The following FAM151B variants were observed in gnomAD, a reference collection of about 807,000 sequenced individuals.
FAM151B encodes protein FAM151B.
Under a neutral mutation model 31.2 loss-of-function variants are expected in FAM151B, and 24 were observed. The observed-to-expected ratio is 0.77, with a 90% CI of 0.56 to 1.08. The LOEUF is 1.08. Ranked by LOEUF, FAM151B falls within the 50% of genes least tolerant of loss-of-function variation. FAM151B has a pLI of 0.00. For missense variants in FAM151B, 293 were observed against 328.6 expected (o/e 0.89, Z 0.84); for synonymous variants, 105 against 111.4 (o/e 0.94, Z 0.36).
At chr5:80,530,017 C>T (rs1444628041) in intron 5 of FAM151B, among the ~76,000 whole-genome samples, 1 of 152,212 alleles carries the variant, frequency 6.6e-6, no homozygotes, top group African/African-American at 2.4e-5. Flanking sequence ...TCCAACAGCA[C>T]ATCAAAAAGC....
chr5:80,504,514 C>CTTTTTTTTTTTTTTTTTTTTTTTTTT (rs11340979), intron 2 of FAM151B, among the ~76,000 whole-genome samples: 2 of 58,716 alleles, frequency 3.4e-5, no homozygotes, highest in Non-Finnish European at 6.0e-5. Context: ...GACTATTACT[C>CTTTTTTTTTTTTTTTTTTTTTTTTTT]TTTTTTTTTT....
At chr5:80,517,340 T>C (rs1420566470) in intron 3 of FAM151B, among the ~76,000 whole-genome samples, 3 of 152,190 alleles carry the variant, frequency 2.0e-5, no homozygotes, top group Non-Finnish European at 4.4e-5. Context: ...CAGGCATCCC[T>C]TGGAGGTCTT....
intron 2 of FAM151B, among the ~76,000 whole-genome samples, chr5:80,502,714 A>G (rs904480066): frequency 6.6e-6 from 1 of 152,184 alleles, no homozygotes; most frequent in Non-Finnish European, 1.5e-5. Flanking sequence ...ACAAGAAATT[A>G]CCTTGAAATT....
intron 2 of FAM151B, among the ~76,000 whole-genome samples, chr5:80,508,681 A>G (rs974267027): frequency 6.6e-6 from 1 of 152,162 alleles, no homozygotes; most frequent in African/African-American, 2.4e-5. Context: ...CCAAGTAGTT[A>G]TATCTCCCTT....
chr5:80,503,031 T>C (rs1348820151), intron 2 of FAM151B, among the ~76,000 whole-genome samples: 2 of 152,208 alleles, frequency 1.3e-5, no homozygotes, highest in Admixed American at 1.3e-4. Context: ...GATGAAATTT[T>C]TCTAGAATTA....
At position 80,522,050 on chromosome 5, in the gene FAM151B, C is replaced by T. The variant is rs1744745060; in HGVS notation, c.583C>T (p.Leu195=). The T allele has an allele frequency of 1.2e-6, 2 of 1,611,844 alleles. No individual in the cohort carries two copies. The highest frequency in any genetic ancestry group is 1.7e-6 in the Non-Finnish European group (2 of 1,178,458). The part of the protein sequence containing the change: ...VKEMEYICNE[L]SQPVTFPVRA... The stretch of plus-strand genomic sequence containing the variant: ...AGAGATGGAATATATATGTAATGAA[C>T]TAAGTCAGCCTGTAACGTTCCCTGT... Residue 195 remains leucine, a synonymous_variant, in exon 5 of 6, where the codon CTA becomes TTA. Transcript: ENST00000282226.
intron 3 of FAM151B, 22 bp downstream of exon 3, chr5:80,513,791 ATTTTCTGGG>A: frequency 1.3e-6 from 2 of 1,580,844 alleles, no homozygotes; most frequent in African/African-American, 1.4e-5. Flanking sequence ...AACACGTTCA[ATTTTCTGGG>A]AAAAAAGTAA....
intron 5 of FAM151B, among the ~76,000 whole-genome samples, chr5:80,540,070 T>C (rs189431194): frequency 5.9e-4 from 90 of 152,308 alleles, no homozygotes; most frequent in Admixed American, 1.2e-3. Flanking sequence ...GAAGTCAGCG[T>C]TGATACAACA....
chr5:80,497,687 T>G (rs771400046), intron 1 of FAM151B, among the ~76,000 whole-genome samples: 7 of 151,984 alleles, frequency 4.6e-5, no homozygotes, highest in Non-Finnish European at 7.4e-5. Flanking sequence ...AGTCCTGGTA[T>G]TTTATTATTA....
At chr5:80,511,302 T>G (rs2112622916) in intron 2 of FAM151B, among the ~76,000 whole-genome samples, 1 of 151,966 alleles carries the variant, frequency 6.6e-6, no homozygotes, top group African/African-American at 2.4e-5. Context: ...TGAGACCTCA[T>G]CTCTACTAAA....
chr5:80,497,831 A>C (rs1743600672), intron 1 of FAM151B, among the ~76,000 whole-genome samples: 1 of 151,754 alleles, frequency 6.6e-6, no homozygotes, highest in East Asian at 1.9e-4. Flanking sequence ...ATGAGGAGAT[A>C]TACCTAATGT....
intron 3 of FAM151B, among the ~76,000 whole-genome samples, chr5:80,514,741 T>C (rs929237645): frequency 2.0e-4 from 30 of 151,988 alleles, no homozygotes; most frequent in African/African-American, 7.2e-4. Flanking sequence ...CTGAGTAATA[T>C]TTTTAAATAG....
At chr5:80,505,686 A>G (rs972983302) in intron 2 of FAM151B, among the ~76,000 whole-genome samples, 16 of 144,222 alleles carry the variant, frequency 1.1e-4, no homozygotes, top group Non-Finnish European at 2.3e-4. Flanking sequence ...GAGCCACCGC[A>G]CCCAGCCACA....
At chr5:80,512,736 G>T (rs1044573226) in intron 2 of FAM151B, among the ~76,000 whole-genome samples, 2 of 149,402 alleles carry the variant, frequency 1.3e-5, no homozygotes, top group Non-Finnish European at 3.0e-5. Flanking sequence ...GAAGTATAAT[G>T]CTGCTACTGC....
intron 5 of FAM151B, among the ~76,000 whole-genome samples, chr5:80,538,521 C>T (rs866131422): frequency 3.1e-3 from 171 of 55,746 alleles, no homozygotes; most frequent in Middle Eastern, 0.011. Flanking sequence ...TCTTTCCTTC[C>T]TTCCTTCCTT....
At chr5:80,514,770 A>G (rs1164834329) in intron 3 of FAM151B, among the ~76,000 whole-genome samples, 1 of 152,090 alleles carries the variant, frequency 6.6e-6, no homozygotes, top group African/African-American at 2.4e-5. Context: ...CAAGAAATTA[A>G]TAAGGACTTG....
At chr5:80,538,007 T>A (rs1035580438) in intron 5 of FAM151B, among the ~76,000 whole-genome samples, 1 of 152,062 alleles carries the variant, frequency 6.6e-6, no homozygotes, top group Non-Finnish European at 1.5e-5. Flanking sequence ...TCTTTATACA[T>A]ATAAGAGTAA....
chr5:80,522,618 C>T (rs765165750), intron 5 of FAM151B: 1 of 151,930 alleles, frequency 6.6e-6, no homozygotes. Flanking sequence ...AAAAATTAGC[C>T]GAGCGTGGTG....
intron 5 of FAM151B, among the ~76,000 whole-genome samples, chr5:80,537,895 A>C (rs901734647): frequency 6.8e-6 from 1 of 146,350 alleles, no homozygotes; most frequent in Non-Finnish European, 1.5e-5. Context: ...AAACAAAAAA[A>C]TTAATTCAAA....
Sources: allele counts gnomAD v4.1 joint callset (sites outside exome capture counted in the v4.1 genomes callset), GRCh38; gene constraint gnomAD v4.1.1; transcripts MANE v1.5; gene names NCBI Gene and HGNC (gene_info 2026-07-23, HGNC 2026-07-21).